ARID3A: variants seen among roughly 807,000 people sequenced by gnomAD.
The protein encoded by ARID3A is AT-rich interactive domain-containing protein 3A.
Under a neutral mutation model 52.7 loss-of-function variants are expected in ARID3A, and 11 were observed. The ratio of observed to expected loss-of-function variants is 0.21; its 90% CI spans 0.13 to 0.35. ARID3A has a LOEUF of 0.35. Ranked by LOEUF, ARID3A falls within the 10% of genes least tolerant of loss-of-function variation. The pLI is 1.00. For synonymous variants in ARID3A, 404 were observed against 359.4 expected (o/e 1.12, Z -1.40); for missense variants, 721 against 838.5 (o/e 0.86, Z 1.73).
In ARID3A at chr19:972,222, GATAT is replaced by G. The variant is rs10637085; in HGVS notation, c.*179_*182del. On this transcript the variant is annotated 3_prime_UTR_variant, in exon 9 of 9. Transcript: ENST00000263620. ...CTGACGCCAAAAAGAAAAGAAAAAAGATATATATATATATATATATATATACACG... is the reference window on the plus strand; with the variant it reads ...CTGACGCCAAAAAGAAAAGAAAAAAGATATATATATATATATATATACACG... The G allele has an allele frequency of 2.2e-4, 50 of 222,632 alleles. No individual in the cohort carries two copies. Among genetic ancestry groups the G allele is most frequent in the Admixed American group, 6.4e-4 (10 of 15,672 alleles). The allele number at this position is 222,632 out of a possible 1,614,324, so 13.8% of individuals were successfully genotyped here. A position where few individuals can be genotyped will look rare whatever the true frequency, so the allele number is the denominator to read the frequency against.
intron 3 of ARID3A, among the ~76,000 whole-genome samples, chr19:937,699 CTTT>C (rs951435776): frequency 5.5e-5 from 5 of 90,794 alleles, no homozygotes; most frequent in African/African-American, 2.4e-4. Context: ...TTATTGTCGA[CTTT>C]TTTTTTTTTT....
At chr19:940,526 A>G (rs1205014124) in intron 3 of ARID3A, among the ~76,000 whole-genome samples, 1 of 152,092 alleles carries the variant, frequency 6.6e-6, no homozygotes, top group Non-Finnish European at 1.5e-5. Context: ...TGGTCCAGGC[A>G]GGAGTAGAAG....
At chr19:940,573 A>G (rs1395552353) in intron 3 of ARID3A, among the ~76,000 whole-genome samples, 1 of 152,102 alleles carries the variant, frequency 6.6e-6, no homozygotes, top group Non-Finnish European at 1.5e-5. Flanking sequence ...GGGCCTGAGA[A>G]GAAGGAGAAG....
At position 966,837 on chromosome 19, in the gene ARID3A, G is replaced by A; in HGVS notation, c.1464G>A (p.Gln488=). 1 of 1,612,786 alleles carries A rather than the reference G, an allele frequency of 6.2e-7. No individual in the cohort carries two copies. The highest frequency in any genetic ancestry group is 8.5e-7 in the Non-Finnish European group (1 of 1,179,394). ...LQQNFLAMAA[Q]LPMSIRINSQ... ...AGAACTTCCTGGCCATGGCGGCCCA[G>A]CTGCCCATGAGCATTCGGATCAACA... Residue 488 remains glutamine, a synonymous_variant, in exon 7 of 9, where the codon CAG becomes CAA. Transcript: ENST00000263620.
At chr19:962,547 T>G (rs1167908922) in intron 4 of ARID3A, among the ~76,000 whole-genome samples, 1 of 149,924 alleles carries the variant, frequency 6.7e-6, no homozygotes, top group Middle Eastern at 3.2e-3. Context: ...AGAGTTTTGC[T>G]TTTGTTGCTG....
Position 929,726 on chromosome 19 carries a change from G to T in ARID3A, c.198G>T (p.Arg66=), listed in dbSNP as rs771698585. ...AGATGGCCGCACTGGCAGCCATGCG[G>T]GCTGCAGCTGCGGGCCTGGGACACC... The part of the protein sequence containing the change: ...RAQMAALAAM[R]AAAAGLGHPA... The change falls in exon 2 of 9, where the codon CGG becomes CGT. Residue 66 remains arginine (R), a synonymous_variant. Coordinates refer to ENST00000263620, the MANE Select transcript of ARID3A (RefSeq NM_005224.3). The surrounding 1 kb of genome is among the most constrained non-coding windows in gnomAD (Gnocchi z 6.2). 1 of 1,560,362 alleles carries T rather than the reference G, an allele frequency of 6.4e-7. No individual in the cohort carries two copies. The highest frequency in any genetic ancestry group is 1.2e-5 in the South Asian group (1 of 86,042).
rs1162910979 is a variant in ARID3A at position 964,941 on chromosome 19, C to T, written c.1059C>T (p.Ser353=). 26 of 1,613,976 alleles carry T rather than the reference C, an allele frequency of 1.6e-5. No individual in the cohort carries two copies. Among genetic ancestry groups the T allele is most frequent in the Non-Finnish European group, 2.2e-5 (26 of 1,180,016 alleles). ...ACCGACGGGAGGGCCGGCGCCAGAG[C>T]TTTGGTGGCTCCCTCTTTGCCTACT... ...DSNRREGRRQ[S]FGGSLFAYSP... Residue 353 remains serine (S), a synonymous_variant, in exon 6 of 9, where the codon AGC becomes AGT. Coordinates refer to ENST00000263620, the MANE Select transcript of ARID3A (RefSeq NM_005224.3). The surrounding 1 kb of genome is among the most constrained non-coding windows in gnomAD (Gnocchi z 5.7).
At chr19:946,482 C>G (rs2037684172) in intron 3 of ARID3A, among the ~76,000 whole-genome samples, 1 of 144,872 alleles carries the variant, frequency 6.9e-6, no homozygotes. Flanking sequence ...TCACTGTCTC[C>G]CAGGCTAGAG....
At position 973,636 on chromosome 19, in the gene ARID3A, C is replaced by T. The variant is rs1568378707; in HGVS notation, c.*1571C>T. ...GGTGAGGATTTCAGGGCCCCGGCAT[C>T]CTGAACACCCCCCACACCCCAACAT... On this transcript the variant is annotated 3_prime_UTR_variant, in exon 9 of 9. Transcript: ENST00000263620. 1 of 225,506 alleles carries T rather than the reference C, an allele frequency of 4.4e-6. No individual in the cohort carries two copies. Among genetic ancestry groups the T allele is most frequent in the Non-Finnish European group, 8.8e-6 (1 of 113,258 alleles). 14.0% of individuals were successfully genotyped at this position (225,506 alleles called of 1,614,324 possible).
In ARID3A at chr19:968,494, A is replaced by G. The variant is rs763245378; in HGVS notation, c.1585A>G (p.Met529Val). The change falls in exon 8 of 9, where the codon ATG (methionine) becomes GTG (valine). Residue 529 changes from methionine (M) to valine (V), a missense_variant. Met to Val is a conservative substitution (Grantham distance 21, BLOSUM62 1). Around this residue, in one of 5 missense-constraint regions of ARID3A, gnomAD observed 297 missense variants for 343.2 expected, o/e 0.87. Coordinates refer to ENST00000263620, the MANE Select transcript of ARID3A (RefSeq NM_005224.3). ...CATGTCGGTGGAGATCAACGGCATC[A>G]TGTACACAGGTAGGACCCCTGAGGC... ...ISMSVEINGIMYTGVLFAQPP... is the reference protein window; with the variant it reads ...ISMSVEINGIVYTGVLFAQPP... The G allele has an allele frequency of 5.0e-6, 8 of 1,613,728 alleles. No homozygotes were observed. Among genetic ancestry groups the G allele is most frequent in the African/African-American group, 1.3e-5 (1 of 74,920 alleles).
chr19:930,378 C>G (rs2037295134), intron 2 of ARID3A, among the ~76,000 whole-genome samples: 1 of 151,180 alleles, frequency 6.6e-6, no homozygotes, highest in Admixed American at 6.6e-5. Flanking sequence ...ATGGCGAAAC[C>G]CCATCTCTAC....
chr19:974,192 C>T lies in ARID3A; in HGVS notation c.*2127C>T, dbSNP rs1285963203. Reference sequence around the variant, plus strand: ...CCTGAGTCTAGGTTCACTTTCCCGTCGGGCTGTGGGAGGGGACTGTCACTT... The same window carrying T: ...CCTGAGTCTAGGTTCACTTTCCCGTTGGGCTGTGGGAGGGGACTGTCACTT... On this transcript the variant is annotated 3_prime_UTR_variant, in exon 9 of 9. Transcript: ENST00000263620. The T allele has an allele frequency of 1.8e-5, 4 of 224,596 alleles. No individual in the cohort carries two copies. The highest frequency in any genetic ancestry group is 6.4e-5 in the East Asian group (1 of 15,688). 13.9% of individuals were successfully genotyped at this position (224,596 alleles called of 1,614,324 possible).
intron 2 of ARID3A, 63 bp from the exon 3 acceptor site, chr19:932,355 C>CT (rs2037349107): frequency 6.4e-7 from 1 of 1,563,288 alleles, no homozygotes; most frequent in African/African-American, 1.4e-5. Flanking sequence ...GGGAGTGGGT[C>CT]TTTCCTTGGG....
rs553416350 is a variant in ARID3A, at chr19:959,210, G to T, written c.694-882G>T. On this transcript the variant is annotated intron_variant, in intron 3 of 8. Coordinates refer to ENST00000263620, the MANE Select transcript of ARID3A (RefSeq NM_005224.3). This position sits in a 1 kb window ranked among gnomAD's most constrained non-coding sequence, Gnocchi z 5.0. Reference sequence around the variant, plus strand: ...CAGGAACCTGGAGCCCCCAGAAGCCGTGAGAGGCAGGAAGGTTCCTCCCTT... The same window carrying T: ...CAGGAACCTGGAGCCCCCAGAAGCCTTGAGAGGCAGGAAGGTTCCTCCCTT... Among the ~76,000 whole-genome samples, 43 of 152,144 alleles carry T rather than the reference G, an allele frequency of 2.8e-4. No homozygotes were observed. The highest frequency in any genetic ancestry group is 1.5e-4 in the Non-Finnish European group (10 of 68,018).
intron 3 of ARID3A, chr19:958,141 A>AATT (rs1255162699): frequency 6.7e-6 from 1 of 149,670 alleles, no homozygotes; most frequent in Non-Finnish European, 1.5e-5. Context: ...TTAAAATTAA[A>AATT]AAAAAAAATA....
Position 968,511 on chromosome 19 carries a change from C to T in ARID3A, c.1594+8C>T, listed in dbSNP as rs2038211122. On this transcript the variant is annotated splice_region_variant and intron_variant, in intron 8 of 8. Coordinates refer to ENST00000263620, the MANE Select transcript of ARID3A (RefSeq NM_005224.3). ...ACGGCATCATGTACACAGGTAGGAC[C>T]CCTGAGGCCACGCCCTGCCTGGACC... The T allele has an allele frequency of 6.2e-7, 1 of 1,613,016 alleles. No homozygotes were observed.
intron 4 of ARID3A, among the ~76,000 whole-genome samples, chr19:963,502 C>A (rs541041855): frequency 2.0e-5 from 3 of 152,174 alleles, no homozygotes; most frequent in Non-Finnish European, 4.4e-5. Flanking sequence ...GGTGCAGGGG[C>A]AGCCTGGGAG....
chr19:972,861 T>G lies in ARID3A; in HGVS notation c.*796T>G, dbSNP rs1195773644. 1 of 183,550 alleles carries G rather than the reference T, an allele frequency of 5.4e-6. No individual in the cohort carries two copies. Among genetic ancestry groups the G allele is most frequent in the African/African-American group, 2.5e-5 (1 of 40,766 alleles). The allele number at this position is 183,550 out of a possible 1,614,324, so 11.4% of individuals were successfully genotyped here. ...CCTTTTTATTTTTCCCATGACCAAT[T>G]TGGGTCCCTTTGTCCATTTCTGGGG... On this transcript the variant is annotated 3_prime_UTR_variant, in exon 9 of 9. Coordinates refer to ENST00000263620, the MANE Select transcript of ARID3A (RefSeq NM_005224.3).
At chr19:952,176 G>T (rs890851923) in intron 3 of ARID3A, among the ~76,000 whole-genome samples, 2 of 151,896 alleles carry the variant, frequency 1.3e-5, no homozygotes, top group African/African-American at 4.8e-5. Flanking sequence ...TGGGCGTGGT[G>T]GTTCATGCCC....
Sources: gnomAD v4.1 joint callset for allele counts (sites outside exome capture counted in the v4.1 genomes callset) on GRCh38, gnomAD v4.1.1 for gene constraint, gnomAD v4.1.1 regional missense constraint, Gnocchi (gnomAD v3.1) non-coding constraint, MANE v1.5 for transcripts, NCBI Gene and HGNC (gene_info 2026-07-23, HGNC 2026-07-21) for gene names.